Variants in ANKFN1 observed in about 807,000 individuals in gnomAD.
The protein encoded by ANKFN1 is ankyrin repeat and fibronectin type-III domain-containing protein 1.
ANKFN1 carries 74 observed loss-of-function variants against 108.7 expected under a neutral mutation model. That is an observed-to-expected ratio of 0.68 (90% CI 0.56 to 0.83). The LOEUF (loss-of-function observed/expected upper bound fraction) is 0.83, where lower values mean the gene tolerates loss of function less well. ANKFN1 is among the 40% of genes least tolerant of loss of function. ANKFN1 has a pLI of 0.00. For missense variants in ANKFN1, 1,505 were observed against 1,382.3 expected (o/e 1.09, Z -1.41); for synonymous variants, 547 against 516.2 (o/e 1.06, Z -0.81).
chr17:56,439,804 G>A (rs1188724187), intron 8 of ANKFN1, among the ~76,000 whole-genome samples: 1 of 152,198 alleles, frequency 6.6e-6, no homozygotes, highest in African/African-American at 2.4e-5. Flanking sequence ...GCAGATGTCA[G>A]ACTTGGAGAG....
intron 1 of ANKFN1, among the ~76,000 whole-genome samples, chr17:56,201,671 GA>G (rs200036417): frequency 0.18 from 26,945 of 145,818 alleles, 2,527 homozygotes; most frequent in East Asian, 0.32. Context: ...TGTTATTTGT[GA>G]AAAAAAAAAA....
chr17:56,497,781 G>A (rs775048681), intron 19 of ANKFN1, among the ~76,000 whole-genome samples: 19 of 152,090 alleles, frequency 1.2e-4, no homozygotes, highest in Admixed American at 2.6e-4. Flanking sequence ...GCATCATGTA[G>A]ACTAACTACC....
intron 4 of ANKFN1, among the ~76,000 whole-genome samples, chr17:56,079,437 A>G (rs1003053034): frequency 8.5e-5 from 13 of 152,224 alleles, no homozygotes; most frequent in Non-Finnish European, 1.8e-4. Flanking sequence ...CTAGCAGAGA[A>G]GTGACCACAG....
rs1450952684 is a variant in ANKFN1, at chr17:56,510,688, G to A, written c.2860G>A (p.Asp954Asn). The A allele has an allele frequency of 6.5e-7, 1 of 1,536,134 alleles. No homozygotes were observed. The highest frequency in any genetic ancestry group is 2.4e-5 in the East Asian group (1 of 40,890). ...GAAAACCCCTCTGGGGCCGGGCCAG[G>A]ATCCCCAGGGCGAGGGCCCAAATCC... ...DVKTPLGPGQ[D>N]PQGEGPNPDH... The change falls in exon 21 of 21, where the codon GAT (aspartate) becomes AAT (asparagine). Residue 954 changes from aspartate (D) to asparagine (N), a missense_variant. Coordinates refer to ENST00000682825, the MANE Select transcript of ANKFN1 (RefSeq NM_001370326.1).
chr17:56,338,999 A>G lies in ANKFN1; in HGVS notation c.189-11767A>G, dbSNP rs540500661. On this transcript the variant is annotated intron_variant, in intron 4 of 20. Coordinates refer to ENST00000682825, the MANE Select transcript of ANKFN1 (RefSeq NM_001370326.1). Reference sequence around the variant, plus strand: ...GCCAGTGCCTCCCATTGGGTGGGCAATATCAAGGCTTCTAATCCATGAACA... The same window carrying G: ...GCCAGTGCCTCCCATTGGGTGGGCAGTATCAAGGCTTCTAATCCATGAACA... Among the ~76,000 whole-genome samples the G allele has an allele frequency of 7.4e-4, 113 of 152,240 alleles. 1 individual carries two copies. Among genetic ancestry groups the G allele is most frequent in the Non-Finnish European group, 5.9e-5 (4 of 67,994 alleles).
chr17:56,216,418 A>G (rs1383523035), intron 2 of ANKFN1, among the ~76,000 whole-genome samples: 1 of 152,236 alleles, frequency 6.6e-6, no homozygotes, highest in Non-Finnish European at 1.5e-5. Context: ...GAAATGTCTG[A>G]AAGTTGAAAA....
At chr17:56,428,375 A>AT (rs1555651329) in intron 8 of ANKFN1, among the ~76,000 whole-genome samples, 1 of 24,650 alleles carries the variant, frequency 4.1e-5, no homozygotes, top group Admixed American at 9.4e-4. Flanking sequence ...TTCAGGATTT[A>AT]TTTTTTTTAC....
At chr17:56,047,941 A>C (rs9303381) in intron 4 of ANKFN1, among the ~76,000 whole-genome samples, 1 of 152,102 alleles carries the variant, frequency 6.6e-6, no homozygotes, top group Non-Finnish European at 1.5e-5. Flanking sequence ...CTATTAATGC[A>C]TTGCAGAAAC....
chr17:56,300,358 T>G (rs141758474), intron 3 of ANKFN1, among the ~76,000 whole-genome samples: 9 of 152,192 alleles, frequency 5.9e-5, no homozygotes, highest in African/African-American at 2.2e-4. Context: ...AAGTTATTTC[T>G]CAGGAGTTGG....
intron 6 of ANKFN1, among the ~76,000 whole-genome samples, chr17:56,355,517 C>G (rs141709359): frequency 2.4e-4 from 36 of 152,100 alleles, no homozygotes; most frequent in African/African-American, 7.7e-4. Context: ...TATGCAGGAC[C>G]CTGAGACCAT....
chr17:56,279,574 T>G (rs1319858559), intron 3 of ANKFN1, among the ~76,000 whole-genome samples: 1 of 151,500 alleles, frequency 6.6e-6, no homozygotes, highest in Non-Finnish European at 1.5e-5. Context: ...CTGTGTTTTT[T>G]CTTCCAATCT....
chr17:56,059,063 G>A (rs4794619), intron 4 of ANKFN1, among the ~76,000 whole-genome samples: 118,079 of 152,082 alleles, frequency 0.78, 46,024 homozygotes, highest in Non-Finnish European at 0.81. Flanking sequence ...AGTGTAACAG[G>A]GTTCCTATTT....
At chr17:56,051,596 G>T (rs1239094121) in intron 4 of ANKFN1, among the ~76,000 whole-genome samples, 1 of 142,018 alleles carries the variant, frequency 7.0e-6, no homozygotes, top group Non-Finnish European at 1.5e-5. Flanking sequence ...AGGAAATAAA[G>T]GGTATTCAAT....
At position 56,127,542 on chromosome 17, in the gene ANKFN1, G is replaced by A. The variant is rs568976637; in HGVS notation, c.288+81217G>A. Among the ~76,000 whole-genome samples, 34 of 152,226 alleles carry A rather than the reference G, an allele frequency of 2.2e-4. 1 individual carries two copies. The highest frequency in any genetic ancestry group is 8.2e-4 in the African/African-American group (34 of 41,528). ...TTGGTCAGGCTGGTCTTGAACTCCT[G>A]ACCTCAGGTGATCCACTCACCTCGG... On this transcript the variant is annotated intron_variant, in intron 4 of 12. Coordinates refer to the ANKFN1 transcript ENST00000635860.
At chr17:56,120,976 C>T (rs1232556969) in intron 4 of ANKFN1, among the ~76,000 whole-genome samples, 1 of 151,920 alleles carries the variant, frequency 6.6e-6, no homozygotes, top group African/African-American at 2.4e-5. Flanking sequence ...TCGATTTTTC[C>T]CATTTCCCTG....
chr17:56,255,364 T>C lies in ANKFN1; in HGVS notation c.53+27407T>C, dbSNP rs148020376. 5.9e-3 allele frequency among the ~76,000 whole-genome samples: 901 copies of C among 152,130 alleles called. 14 individuals carry two copies. Among genetic ancestry groups the C allele is most frequent in the Admixed American group, 0.033 (501 of 15,276 alleles). Reference sequence around the variant, plus strand: ...TAGCGCAGGTCCCAACACCTAGGAGTAGGATTTATCCCTCTCTGCCAGCAC... The same window carrying C: ...TAGCGCAGGTCCCAACACCTAGGAGCAGGATTTATCCCTCTCTGCCAGCAC... On this transcript the variant is annotated intron_variant, in intron 3 of 20. Transcript: ENST00000682825.
intron 8 of ANKFN1, among the ~76,000 whole-genome samples, chr17:56,384,433 C>T (rs940708218): frequency 1.3e-5 from 2 of 152,158 alleles, no homozygotes; most frequent in Non-Finnish European, 2.9e-5. Flanking sequence ...CAGGGATGCC[C>T]TCTCACCACT....
At chr17:56,234,918 G>T (rs1917007644) in intron 3 of ANKFN1, among the ~76,000 whole-genome samples, 1 of 152,058 alleles carries the variant, frequency 6.6e-6, no homozygotes, top group Non-Finnish European at 1.5e-5. Flanking sequence ...GCTCCTTGAG[G>T]AATCACCACA....
At chr17:56,351,169 T>C (rs1301033847) in intron 5 of ANKFN1, among the ~76,000 whole-genome samples, 1 of 152,118 alleles carries the variant, frequency 6.6e-6, no homozygotes, top group Non-Finnish European at 1.5e-5. Context: ...TGTTTCTCTT[T>C]CTTTTTGTTT....
Sources: gnomAD v4.1 joint callset for allele counts (sites outside exome capture counted in the v4.1 genomes callset) on GRCh38, gnomAD v4.1.1 for gene constraint, MANE v1.5 for transcripts, NCBI Gene and HGNC (gene_info 2026-07-23, HGNC 2026-07-21) for gene names.